Variants in KAZN observed in about 807,000 individuals in gnomAD.
KAZN encodes the protein kazrin.
Under a neutral mutation model 87.4 loss-of-function variants are expected in KAZN, and 40 were observed. The observed-to-expected ratio is 0.46, with a 90% CI of 0.36 to 0.60. The LOEUF (loss-of-function observed/expected upper bound fraction) is 0.60, where lower values mean the gene tolerates loss of function less well. Among genes scored for constraint, KAZN ranks in the 20% least tolerant of loss-of-function variants. The pLI, the probability that KAZN is intolerant of heterozygous loss-of-function variation, is 0.00. For missense variants in KAZN, 898 were observed against 1,073.9 expected (o/e 0.84, Z 2.29); for synonymous variants, 466 against 458.3 (o/e 1.02, Z -0.22).
At chr1:13,937,587 A>G (rs1570331335) in intron 1 of KAZN, among the ~76,000 whole-genome samples, 1 of 152,192 alleles carries the variant, frequency 6.6e-6, no homozygotes, top group East Asian at 1.9e-4. Context: ...ACTTAGTCGT[A>G]AGTTCTTTGG....
chr1:14,179,255 T>A (rs1250944237), intron 1 of KAZN, among the ~76,000 whole-genome samples: 2 of 152,212 alleles, frequency 1.3e-5, no homozygotes, highest in Non-Finnish European at 2.9e-5. Flanking sequence ...GTCTTCCTGA[T>A]CTCCAGCTCC....
At position 14,944,730 on chromosome 1, in the gene KAZN, A is replaced by G. The variant is rs905239068; in HGVS notation, c.227-15954A>G. Among the ~76,000 whole-genome samples the G allele has an allele frequency of 2.6e-5, 4 of 152,246 alleles. No homozygotes were observed. In the East Asian group the frequency reaches 7.7e-4, roughly 29 times the overall value. On this transcript the variant is annotated intron_variant, in intron 1 of 14. Transcript: ENST00000376030. ...TTTATTTAGGACAATAAAACCCACC[A>G]TTGTAATCTTCCCAGGCAGCTGGGA...
chr1:14,315,278 G>A (rs935479153), intron 2 of KAZN, among the ~76,000 whole-genome samples: 1 of 152,076 alleles, frequency 6.6e-6, no homozygotes, highest in Non-Finnish European at 1.5e-5. Context: ...CCCTAGCACA[G>A]TGTCTGGCAA....
At chr1:14,254,300 C>T (rs1035553849) in intron 2 of KAZN, among the ~76,000 whole-genome samples, 2 of 152,188 alleles carry the variant, frequency 1.3e-5, no homozygotes, top group Non-Finnish European at 1.5e-5. Context: ...GGAATCTCAT[C>T]TGTGTTTGAA....
intron 2 of KAZN, among the ~76,000 whole-genome samples, chr1:14,188,194 C>CATGTGTGT (rs71570186): frequency 7.1e-6 from 1 of 140,054 alleles, no homozygotes; most frequent in African/African-American, 2.7e-5. Flanking sequence ...GAGAGAGGAG[C>CATGTGTGT]GTGTGTGTGT....
chr1:14,186,590 A>T (rs1646311338), intron 2 of KAZN, among the ~76,000 whole-genome samples: 1 of 152,076 alleles, frequency 6.6e-6, no homozygotes, highest in Admixed American at 6.5e-5. Context: ...ATTCTTGGAA[A>T]ACTCTGAATG....
intron 1 of KAZN, among the ~76,000 whole-genome samples, chr1:14,740,430 G>C (rs1644056771): frequency 6.6e-6 from 1 of 152,088 alleles, no homozygotes. Flanking sequence ...TTTGGTCCTT[G>C]TCTCCTCTTC....
chr1:14,996,796 TC>T lies in KAZN; in HGVS notation c.418+35925del, dbSNP rs1328973131. On this transcript the variant is annotated intron_variant, in intron 2 of 14. Coordinates refer to ENST00000376030, the MANE Select transcript of KAZN (RefSeq NM_201628.3). The surrounding 1 kb of genome is among the most constrained non-coding windows in gnomAD (Gnocchi z 5.9). ...TTGCAGGAAGACACACCACGGAGCC[TC>T]CCCGCTCCTGGTGCTCCAGGGCCTG... 1.3e-5 allele frequency among the ~76,000 whole-genome samples: 2 copies of T among 152,082 alleles called. No homozygotes were observed. Among genetic ancestry groups the T allele is most frequent in the Non-Finnish European group, 2.9e-5 (2 of 67,994 alleles).
chr1:14,282,564 C>G (rs1053908547), intron 2 of KAZN, among the ~76,000 whole-genome samples: 3 of 152,170 alleles, frequency 2.0e-5, no homozygotes, highest in Non-Finnish European at 4.4e-5. Flanking sequence ...GACATTGATG[C>G]CCCCCTTAGC....
chr1:14,446,658 T>C (rs1666999835), intron 2 of KAZN, among the ~76,000 whole-genome samples: 1 of 152,114 alleles, frequency 6.6e-6, no homozygotes, highest in Non-Finnish European at 1.5e-5. Context: ...CTTCATTTCT[T>C]TTTCCCCTTG....
chr1:14,154,298 G>T (rs2101807229), intron 1 of KAZN, among the ~76,000 whole-genome samples: 1 of 152,092 alleles, frequency 6.6e-6, no homozygotes, highest in East Asian at 1.9e-4. Context: ...TTTTCAGATT[G>T]TTCACTGTAG....
At chr1:14,416,708 G>A (rs1664792921) in intron 2 of KAZN, among the ~76,000 whole-genome samples, 3 of 151,944 alleles carry the variant, frequency 2.0e-5, no homozygotes, top group Non-Finnish European at 4.4e-5. Flanking sequence ...CTGCACTCCA[G>A]CCTGGGTGAC....
At chr1:15,004,694 C>T (rs1035528605) in intron 2 of KAZN, among the ~76,000 whole-genome samples, 3 of 152,224 alleles carry the variant, frequency 2.0e-5, no homozygotes, top group Admixed American at 2.0e-4. Flanking sequence ...GTCAGAGGTG[C>T]TTCTGGCCTT....
chr1:14,575,287 A>G (rs1553191223), intron 2 of KAZN, among the ~76,000 whole-genome samples: 2 of 152,270 alleles, frequency 1.3e-5, no homozygotes, highest in South Asian at 4.1e-4. Flanking sequence ...TTATAAAGAA[A>G]AAAAGATTTA....
intron 8 of KAZN, among the ~76,000 whole-genome samples, chr1:15,076,608 C>G (rs1164262389): frequency 1.3e-5 from 2 of 152,234 alleles, no homozygotes; most frequent in Non-Finnish European, 2.9e-5. Flanking sequence ...AGCAGGAACC[C>G]AGGCCCTGAG....
intron 6 of KAZN, chr1:15,061,091 T>A (rs1172771844): frequency 1.3e-5 from 2 of 152,198 alleles, no homozygotes; most frequent in Non-Finnish European, 2.9e-5. Context: ...CAAAACTCAG[T>A]TAATGTCACT....
At chr1:14,987,291 G>A (rs565337900) in intron 2 of KAZN, among the ~76,000 whole-genome samples, 30 of 152,196 alleles carry the variant, frequency 2.0e-4, no homozygotes, top group African/African-American at 7.2e-4. Context: ...TCAGGAGTTC[G>A]AGACCAGCCT....
chr1:14,059,412 A>G (rs1007276149), intron 1 of KAZN, among the ~76,000 whole-genome samples: 8 of 152,238 alleles, frequency 5.3e-5, no homozygotes, highest in Non-Finnish European at 1.2e-4. Context: ...TAAGAACAAG[A>G]GGAGAAGAAA....
intron 2 of KAZN, among the ~76,000 whole-genome samples, chr1:14,328,378 C>T (rs1406504453): frequency 2.0e-5 from 3 of 152,156 alleles, no homozygotes; most frequent in Middle Eastern, 3.4e-3. Context: ...TGAAGTCTCT[C>T]GCATATGTGT....
Sources: allele counts gnomAD v4.1 joint callset (sites outside exome capture counted in the v4.1 genomes callset), GRCh38; gene constraint gnomAD v4.1.1; non-coding constraint Gnocchi (gnomAD v3.1); transcripts MANE v1.5; gene names NCBI Gene and HGNC (gene_info 2026-07-23, HGNC 2026-07-21).